The following ECHDC1 variants were observed in gnomAD, a reference collection of about 807,000 sequenced individuals.
ECHDC1 encodes the protein ethylmalonyl-CoA decarboxylase 1.
ECHDC1 carries 29 observed loss-of-function variants against 29.7 expected under a neutral mutation model. The observed-to-expected ratio is 0.98, with a 90% CI of 0.73 to 1.33. The LOEUF (loss-of-function observed/expected upper bound fraction) is 1.33, where lower values mean the gene tolerates loss of function less well. Ranked by LOEUF, ECHDC1 falls within the 40% of genes most tolerant of loss-of-function variation. ECHDC1 has a pLI of 0.00. For synonymous variants in ECHDC1, 126 were observed against 123.1 expected (o/e 1.02, Z -0.15); for missense variants, 328 against 350.0 (o/e 0.94, Z 0.50).
chr6:127,316,365 TTTC>T, intron 4 of ECHDC1, 82 bp downstream of exon 4: 1 of 1,159,098 alleles, frequency 8.6e-7, no homozygotes, highest in East Asian at 2.4e-5. Flanking sequence ...TTAGCTATTA[TTTC>T]TTAACTAGTA....
At chr6:127,323,813 T>C (rs889293614) in intron 3 of ECHDC1, among the ~76,000 whole-genome samples, 10 of 152,164 alleles carry the variant, frequency 6.6e-5, no homozygotes, top group Non-Finnish European at 1.3e-4. Context: ...TTCTTTTCTT[T>C]GTTTTTCCTA....
intron 5 of ECHDC1, among the ~76,000 whole-genome samples, chr6:127,313,875 A>G (rs1174104547): frequency 2.6e-5 from 4 of 152,220 alleles, no homozygotes; most frequent in African/African-American, 7.2e-5. Context: ...GCTAAAACCT[A>G]TATTTTCACT....
intron 1 of ECHDC1, among the ~76,000 whole-genome samples, chr6:127,340,267 G>C (rs1051606169): frequency 6.6e-6 from 1 of 152,186 alleles, no homozygotes; most frequent in African/African-American, 2.4e-5. Context: ...AACTTTCTCA[G>C]AATGAGAGGC....
chr6:127,312,542 C>T (rs1782026127), intron 5 of ECHDC1, among the ~76,000 whole-genome samples: 1 of 152,106 alleles, frequency 6.6e-6, no homozygotes. Context: ...TTAAGTTAAA[C>T]ATACACTTAC....
rs1582939674 is a variant in ECHDC1 at position 127,301,201 on chromosome 6, G to A, written c.498-10924C>T. ...TCAAGTGAGGGTCTATCTATGCAAA[G>A]TAGAACTGAGTGTTTCCGACATACG... On this transcript the variant is annotated intron_variant, in intron 5 of 5. Transcript: ENST00000454859. Among the ~76,000 whole-genome samples, 4 of 152,342 alleles carry A rather than the reference G, an allele frequency of 2.6e-5. No individual in the cohort carries two copies. The East Asian group carries it at 7.7e-4, about 29-fold the overall frequency.
intron 5 of ECHDC1, among the ~76,000 whole-genome samples, chr6:127,302,660 A>G (rs1039822602): frequency 1.3e-4 from 20 of 152,172 alleles, no homozygotes; most frequent in African/African-American, 4.8e-4. Context: ...TCGATCTCCC[A>G]AAGTGCTGGA....
At chr6:127,327,298 T>C (rs909948656) in intron 2 of ECHDC1, among the ~76,000 whole-genome samples, 154 bp from the exon 3 acceptor site, 3 of 152,180 alleles carry the variant, frequency 2.0e-5, no homozygotes, top group African/African-American at 4.8e-5. Flanking sequence ...ACTGGCACTA[T>C]GGAGTATACA....
chr6:127,300,241 A>G (rs1445054160), intron 5 of ECHDC1, among the ~76,000 whole-genome samples: 1 of 152,240 alleles, frequency 6.6e-6, no homozygotes, highest in Non-Finnish European at 1.5e-5. Context: ...AGCACTTTTC[A>G]CTGGCAATCA....
intron 5 of ECHDC1, among the ~76,000 whole-genome samples, chr6:127,308,396 C>T (rs1364371254): frequency 6.6e-6 from 1 of 152,050 alleles, no homozygotes; most frequent in Non-Finnish European, 1.5e-5. Flanking sequence ...AGGACAAAAG[C>T]TATATAATAA....
At chr6:127,316,866 G>A (rs1019037481) in intron 3 of ECHDC1, among the ~76,000 whole-genome samples, 15 of 151,448 alleles carry the variant, frequency 9.9e-5, no homozygotes, top group Non-Finnish European at 1.9e-4. Context: ...AGGGAAAGAA[G>A]GGAAAAGTTA....
At chr6:127,340,159 G>A (rs1784802081) in intron 1 of ECHDC1, among the ~76,000 whole-genome samples, 2 of 152,120 alleles carry the variant, frequency 1.3e-5, no homozygotes, top group Admixed American at 6.5e-5. Flanking sequence ...ATCGTATAAG[G>A]GTCTAGTTAG....
At chr6:127,324,239 A>G (rs796804763) in intron 3 of ECHDC1, among the ~76,000 whole-genome samples, 126 of 152,314 alleles carry the variant, frequency 8.3e-4, no homozygotes, top group African/African-American at 2.9e-3. Flanking sequence ...TTGATCTATC[A>G]TCTTAATATT....
intron 2 of ECHDC1, chr6:127,329,945 G>T (rs900882254): frequency 4.5e-6 from 2 of 442,992 alleles, no homozygotes; most frequent in African/African-American, 4.1e-5. Context: ...TTTACAAAGG[G>T]TTTACAGACT....
At chr6:127,317,138 A>G (rs944754210) in intron 3 of ECHDC1, among the ~76,000 whole-genome samples, 2 of 151,992 alleles carry the variant, frequency 1.3e-5, no homozygotes, top group Non-Finnish European at 2.9e-5. Context: ...CATAACACGT[A>G]GTATCTTTCT....
chr6:127,332,626 A>G (rs1429169287), intron 1 of ECHDC1, among the ~76,000 whole-genome samples: 1 of 152,176 alleles, frequency 6.6e-6, no homozygotes, highest in African/African-American at 2.4e-5. Context: ...TCACAGGTAG[A>G]TAATAGACAA....
At chr6:127,324,429 A>G (rs925553102) in intron 3 of ECHDC1, among the ~76,000 whole-genome samples, 5 of 152,170 alleles carry the variant, frequency 3.3e-5, no homozygotes, top group Non-Finnish European at 5.9e-5. Context: ...TGGCAGGCCT[A>G]TGTCTAAACC....
At chr6:127,341,514 A>G (rs1359578570) in intron 1 of ECHDC1, 1 of 152,194 alleles carries the variant, frequency 6.6e-6, no homozygotes, top group Non-Finnish European at 1.5e-5. Flanking sequence ...AAGGTTCTGA[A>G]GCATTTACAA....
chr6:127,311,558 G>A (rs1405333335), intron 5 of ECHDC1, among the ~76,000 whole-genome samples: 1 of 150,368 alleles, frequency 6.7e-6, no homozygotes, highest in Non-Finnish European at 1.5e-5. Flanking sequence ...GCCTGTAATC[G>A]CAGCTACTAG....
At chr6:127,309,480 AACACACACACACACACACACACACACAC>A (rs58621326) in intron 5 of ECHDC1, among the ~76,000 whole-genome samples, 26,247 of 138,450 alleles carry the variant, frequency 0.19, 2,814 homozygotes, top group South Asian at 0.22. Flanking sequence ...CAAACAACAA[AACACACACACACACACACACACACACAC>A]ACACACACAC....
Sources: gnomAD v4.1 joint callset for allele counts (sites outside exome capture counted in the v4.1 genomes callset) on GRCh38, gnomAD v4.1.1 for gene constraint, MANE v1.5 for transcripts, NCBI Gene and HGNC (gene_info 2026-07-23, HGNC 2026-07-21) for gene names.